Variants in ERBB4 observed in about 807,000 individuals in gnomAD.
ERBB4 encodes erb-b2 receptor tyrosine kinase 4.
Under a neutral mutation model 158.0 loss-of-function variants are expected in ERBB4, and 42 were observed. The observed-to-expected ratio is 0.27, with a 90% CI of 0.21 to 0.34. ERBB4 has a LOEUF of 0.34. Among genes scored for constraint, ERBB4 ranks in the 10% least tolerant of loss-of-function variants. The probability of loss-of-function intolerance (pLI) is 1.00; values close to 1 mark genes in which losing one functional copy is unlikely to be tolerated. For missense variants in ERBB4, 1,333 were observed against 1,624.1 expected (o/e 0.82, Z 3.08); for synonymous variants, 583 against 558.7 (o/e 1.04, Z -0.61).
chr2:212,312,076 C>G (rs189086766), intron 1 of ERBB4, among the ~76,000 whole-genome samples: 10 of 151,018 alleles, frequency 6.6e-5, no homozygotes, highest in African/African-American at 2.4e-4. Context: ...CTGAAGAAAG[C>G]GAAGATTTTT....
At chr2:212,498,123 TG>T (rs1289310990) in intron 1 of ERBB4, among the ~76,000 whole-genome samples, 1 of 152,012 alleles carries the variant, frequency 6.6e-6, no homozygotes, top group Non-Finnish European at 1.5e-5. Flanking sequence ...TCTATGTGTG[TG>T]TGTGTGTGTG....
At chr2:211,836,431 C>A (rs997462776) in intron 3 of ERBB4, among the ~76,000 whole-genome samples, 1 of 152,052 alleles carries the variant, frequency 6.6e-6, no homozygotes, top group Admixed American at 6.6e-5. Flanking sequence ...AAACATGTAG[C>A]AACATGTGTG....
intron 1 of ERBB4, among the ~76,000 whole-genome samples, chr2:212,470,851 C>A (rs1330934457): frequency 6.6e-6 from 1 of 151,996 alleles, no homozygotes; most frequent in Admixed American, 6.6e-5. Flanking sequence ...ATTCAAGGAA[C>A]ATTTCTTTAA....
intron 20 of ERBB4, among the ~76,000 whole-genome samples, chr2:211,515,912 A>ATATATATATATATATATATTTTTTTTTTT (rs35696520): frequency 1.3e-5 from 1 of 78,974 alleles, no homozygotes; most frequent in African/African-American, 5.7e-5. Flanking sequence ...ATATATATAT[A>ATATATATATATATATATATTTTTTTTTTT]TTTTTTTTTT....
intron 12 of ERBB4, among the ~76,000 whole-genome samples, chr2:211,682,446 T>C (rs969065540): frequency 7.9e-5 from 12 of 152,132 alleles, no homozygotes; most frequent in African/African-American, 2.7e-4. Context: ...CCAATTCAAA[T>C]GCTAACCTCA....
At chr2:211,405,296 G>A (rs143796821) in intron 25 of ERBB4, among the ~76,000 whole-genome samples, 175 of 152,214 alleles carry the variant, frequency 1.1e-3, no homozygotes, top group African/African-American at 3.9e-3. Flanking sequence ...TCTTCCGTTC[G>A]TGAATTTCAG....
chr2:211,629,685 G>T (rs2070024381), intron 17 of ERBB4, among the ~76,000 whole-genome samples: 1 of 152,126 alleles, frequency 6.6e-6, no homozygotes, highest in Admixed American at 6.5e-5. Flanking sequence ...CATGGTACTG[G>T]TACCAAAACA....
At chr2:212,446,801 G>A (rs1437521167) in intron 1 of ERBB4, among the ~76,000 whole-genome samples, 2 of 149,782 alleles carry the variant, frequency 1.3e-5, no homozygotes, top group African/African-American at 4.9e-5. Flanking sequence ...TGGATGAAAT[G>A]TAATTTAATT....
chr2:211,765,779 A>G (rs970119597), intron 4 of ERBB4, among the ~76,000 whole-genome samples: 2 of 152,330 alleles, frequency 1.3e-5, no homozygotes, highest in Middle Eastern at 3.4e-3. Flanking sequence ...GCTTTAAAAA[A>G]CTTTTAAATT....
At chr2:211,803,084 C>G (rs2076536721) in intron 3 of ERBB4, among the ~76,000 whole-genome samples, 1 of 152,148 alleles carries the variant, frequency 6.6e-6, no homozygotes, top group African/African-American at 2.4e-5. Flanking sequence ...ACACATTTTC[C>G]ACTTATTCCC....
intron 3 of ERBB4, among the ~76,000 whole-genome samples, chr2:211,861,973 T>C (rs1398482142): frequency 6.6e-6 from 1 of 152,194 alleles, no homozygotes; most frequent in Non-Finnish European, 1.5e-5. Flanking sequence ...TAAAGGACAA[T>C]TTCTTTTCTT....
intron 2 of ERBB4, among the ~76,000 whole-genome samples, chr2:212,073,811 TA>T (rs576747832): frequency 2.8e-4 from 41 of 148,662 alleles, no homozygotes; most frequent in Admixed American, 2.7e-3. Flanking sequence ...AAAGCATGAT[TA>T]TTTTTTTACA....
At chr2:212,003,216 G>GACA (rs1491317567) in intron 2 of ERBB4, among the ~76,000 whole-genome samples, 636 of 34,392 alleles carry the variant, frequency 0.018, 33 homozygotes, top group Non-Finnish European at 0.026. Context: ...ACAGAAAGAA[G>GACA]GAAGGAAGGA....
intron 2 of ERBB4, among the ~76,000 whole-genome samples, chr2:212,046,058 T>C (rs1296421780): frequency 1.3e-5 from 2 of 152,210 alleles, no homozygotes; most frequent in South Asian, 2.1e-4. Flanking sequence ...CCTCTGAAGA[T>C]GACAATTTGG....
chr2:211,826,911 G>C (rs935568582), intron 3 of ERBB4, among the ~76,000 whole-genome samples: 1 of 151,960 alleles, frequency 6.6e-6, no homozygotes, highest in African/African-American at 2.4e-5. Flanking sequence ...TATTTGCAGA[G>C]ATGGCTTTTG....
intron 1 of ERBB4, among the ~76,000 whole-genome samples, chr2:212,422,479 C>T (rs1255539033): frequency 2.0e-5 from 3 of 149,400 alleles, no homozygotes; most frequent in African/African-American, 5.0e-5. Flanking sequence ...GGCTGGGCAA[C>T]GGTGTGAGAC....
At chr2:212,218,423 T>C (rs555378854) in intron 1 of ERBB4, among the ~76,000 whole-genome samples, 105 of 151,452 alleles carry the variant, frequency 6.9e-4, no homozygotes, top group African/African-American at 2.3e-3. Flanking sequence ...GTCTGTTTGT[T>C]TGTGTGTTTG....
At chr2:211,892,881 CTACAAACCACTGCTCAAGGAAA>C (rs1157450758) in intron 3 of ERBB4, among the ~76,000 whole-genome samples, 1 of 142,418 alleles carries the variant, frequency 7.0e-6, no homozygotes, top group African/African-American at 2.8e-5. Context: ...TCAAGGAGAA[CTACAAACCACTGCTCAAGGAAA>C]TAAAAGAGGA....
intron 19 of ERBB4, among the ~76,000 whole-genome samples, chr2:211,614,042 A>T (rs1310988075): frequency 1.3e-5 from 2 of 152,040 alleles, no homozygotes; most frequent in Non-Finnish European, 2.9e-5. Flanking sequence ...CAGATGTAGG[A>T]ATAAAGAAAA....
Sources: allele counts gnomAD v4.1 joint callset (sites outside exome capture counted in the v4.1 genomes callset), GRCh38; gene constraint gnomAD v4.1.1; transcripts MANE v1.5; gene names NCBI Gene and HGNC (gene_info 2026-07-23, HGNC 2026-07-21).